RGL3: variants seen among roughly 807,000 people sequenced by gnomAD.
RGL3 encodes ral guanine nucleotide dissociation stimulator like 3, also known as ral guanine nucleotide dissociation stimulator-like 3.
In RGL3, 85 loss-of-function variants were observed where a neutral mutation model predicts 90.6. The ratio of observed to expected loss-of-function variants is 0.94; its 90% CI spans 0.79 to 1.12. The LOEUF (loss-of-function observed/expected upper bound fraction) is 1.12. Ranked by LOEUF, RGL3 falls within the 50% of genes most tolerant of loss-of-function variation. RGL3 has a pLI of 0.00. For synonymous variants in RGL3, 408 were observed against 385.5 expected, an observed-to-expected ratio of 1.06 and a Z score of -0.68; for missense variants, 1,034 against 939.2, an observed-to-expected ratio of 1.10 and a Z score of -1.32.
At chr19:11,418,835 C>T in intron 1 of RGL3, 51 bp from the exon 2 acceptor site, 1 of 1,436,048 alleles carries the variant, frequency 7.0e-7, no homozygotes, top group Non-Finnish European at 9.3e-7. Flanking sequence ...GTCCTGGGGC[C>T]TCAGCCTCCT....
intron 18 of RGL3, 56 bp downstream of exon 18, chr19:11,397,188 A>C: frequency 9.6e-6 from 14 of 1,461,510 alleles, no homozygotes; most frequent in Non-Finnish European, 1.3e-5. Context: ...GGGCGTGGTC[A>C]GTCTGCTCGC....
At chr19:11,413,723 TA>T (rs1431291477) in intron 5 of RGL3, among the ~76,000 whole-genome samples, 1 of 148,532 alleles carries the variant, frequency 6.7e-6, no homozygotes, top group Non-Finnish European at 1.5e-5. Context: ...ATTAATTAAT[TA>T]ATTATTATTA....
chr19:11,411,048 A>C (rs1374139341), intron 5 of RGL3, among the ~76,000 whole-genome samples: 1 of 151,870 alleles, frequency 6.6e-6, no homozygotes, highest in Admixed American at 6.6e-5. Context: ...CTCACTACTA[A>C]AAATACAAAA....
rs577534752 is a variant in RGL3, at chr19:11,407,844, G to A, written c.638-980C>T. Among the ~76,000 whole-genome samples the A allele has an allele frequency of 2.2e-4, 34 of 152,104 alleles. No individual in the cohort carries two copies. The South Asian group carries it at 5.2e-3, about 23-fold the overall frequency. On this transcript the variant is annotated intron_variant, in intron 5 of 18. Coordinates refer to ENST00000380456, the MANE Select transcript of RGL3 (RefSeq NM_001035223.4). ...TGGGATTACAGGCACGAGCCACCACGCCCAGCTAACTTTTGTATTTTTGTA... is the reference window on the plus strand; with the variant it reads ...TGGGATTACAGGCACGAGCCACCACACCCAGCTAACTTTTGTATTTTTGTA...
rs760110142 is a variant in RGL3 at position 11,418,685 on chromosome 19, G to T, written c.133C>A (p.Pro45Thr). Reference protein sequence around the residue: ...RSQRRSPAEGPGGSQAPSPIA... With the variant: ...RSQRRSPAEGTGGSQAPSPIA... ...CCCCTCCTCACCTGGCTGCCCCCGG[G>T]GCCCTCCGCCGGGCTCCTGCGCTGA... The change falls in exon 2 of 19, where the codon CCC becomes ACC. Residue 45 changes from proline (P) to threonine (T), a missense_variant. Transcript: ENST00000380456. The T allele has an allele frequency of 1.3e-6, 2 of 1,557,540 alleles. No individual in the cohort carries two copies. The highest frequency in any genetic ancestry group is 2.7e-5 in the African/African-American group (2 of 73,982).
chr19:11,411,447 G>A (rs1011017377), intron 5 of RGL3: 5 of 151,392 alleles, frequency 3.3e-5, no homozygotes, highest in Non-Finnish European at 7.4e-5. Flanking sequence ...AGAAACAACT[G>A]TCAAAAGAAA....
In RGL3 at chr19:11,402,245, C is replaced by A; in HGVS notation, c.1332G>T (p.Gly444=). 1 of 1,613,458 alleles carries A rather than the reference C, an allele frequency of 6.2e-7. No individual in the cohort carries two copies. The highest frequency in any genetic ancestry group is 8.5e-7 in the Non-Finnish European group (1 of 1,179,978). The change falls in exon 12 of 19, where the codon GGG becomes GGT. Residue 444 remains glycine (G), a splice_region_variant and synonymous_variant. Coordinates refer to ENST00000380456, the MANE Select transcript of RGL3 (RefSeq NM_001035223.4). ...TCCTCTTCTCAAAGTTAATGAGATC[C>A]CCCTGGGGGCAAAGTGTGTCTGAAT... is the stretch of plus-strand genomic sequence containing the variant. The part of the protein sequence containing the change: ...LDTALPDMLE[G]DLINFEKRRK...
At chr19:11,397,664 C>T (rs545957795) in intron 16 of RGL3, 67 bp from the exon 17 acceptor site, 25 of 1,421,852 alleles carry the variant, frequency 1.8e-5, no homozygotes, top group East Asian at 2.5e-5. Flanking sequence ...TAGAAAAGCA[C>T]GAACACCCCA....
chr19:11,397,425 C>A lies in RGL3; in HGVS notation c.1899+20G>T, dbSNP rs768988003. 2.5e-6 allele frequency: 4 copies of A among 1,594,756 alleles called. No homozygotes were observed. In the Admixed American group the frequency reaches 5.1e-5, roughly 20 times the overall value. On this transcript the variant is annotated intron_variant, in intron 17 of 18. Coordinates refer to ENST00000380456, the MANE Select transcript of RGL3 (RefSeq NM_001035223.4). ...CAAGGGCAGGGCAGCCTCCAGCAGA[C>A]CCCCAGCCCAGCCCCTCACCAAGAT...
chr19:11,405,341 C>A lies in RGL3; in HGVS notation c.1082G>T (p.Ser361Ile). Reference protein sequence around the residue: ...QSNPIYRLKRSWGAVSREPLS... With the variant: ...QSNPIYRLKRIWGAVSREPLS... ...AGCTCACCGGCTCACTGCCCCCCAG[C>A]TGCGCTTGAGCCGGTAGATGGGGTT... Residue 361 changes from serine to isoleucine, a missense_variant, in exon 8 of 19, where the codon AGC becomes ATC. Coordinates refer to ENST00000380456, the MANE Select transcript of RGL3 (RefSeq NM_001035223.4). 1 of 1,613,242 alleles carries A rather than the reference C, an allele frequency of 6.2e-7. No homozygotes were observed. The highest frequency in any genetic ancestry group is 8.5e-7 in the Non-Finnish European group (1 of 1,179,734).
rs771398199 is a variant in RGL3, at chr19:11,405,494, C to CTTTTTTTTTTTTTTT, written c.997-83_997-69dup. On this transcript the variant is annotated intron_variant, in intron 7 of 18. Transcript: ENST00000380456. ...ACCTTTCATCCTGAAACTTCTTCATCTTTTTTTTTTTTTTTTTTTTTTTTT... is the reference window on the plus strand; with the variant it reads ...ACCTTTCATCCTGAAACTTCTTCATCTTTTTTTTTTTTTTTTTTTTTTTTTTTTTTTTTTTTTTTT... 14 of 164,048 alleles carry CTTTTTTTTTTTTTTT rather than the reference C, an allele frequency of 8.5e-5. 3 individuals are homozygous for CTTTTTTTTTTTTTTT. Among genetic ancestry groups the CTTTTTTTTTTTTTTT allele is most frequent in the Non-Finnish European group, 1.3e-4 (11 of 82,316 alleles). 10.2% of individuals were successfully genotyped at this position (164,048 alleles called of 1,614,324 possible).
chr19:11,416,679 C>T lies in RGL3; in HGVS notation c.372-12G>A, dbSNP rs1235459179. 1.9e-6 allele frequency: 3 copies of T among 1,613,174 alleles called. No individual in the cohort carries two copies. The highest frequency in any genetic ancestry group is 1.1e-5 in the South Asian group (1 of 91,058). ...TCTTGATCTCTACCCTGGGAAGAGGCCCCCCAGCAGGTGAAGAAGGGGGAA... is the reference window on the plus strand; with the variant it reads ...TCTTGATCTCTACCCTGGGAAGAGGTCCCCCAGCAGGTGAAGAAGGGGGAA... On this transcript the variant is annotated splice_polypyrimidine_tract_variant and intron_variant, in intron 3 of 18. Transcript: ENST00000380456.
intron 5 of RGL3, chr19:11,411,255 T>C (rs577516944): frequency 1.3e-5 from 2 of 151,134 alleles, no homozygotes; most frequent in Non-Finnish European, 2.9e-5. Context: ...CCAAATACCT[T>C]GAGTAGATCT....
At chr19:11,403,996 C>T (rs1968725851) in intron 9 of RGL3, among the ~76,000 whole-genome samples, 1 of 152,184 alleles carries the variant, frequency 6.6e-6, no homozygotes, top group Non-Finnish European at 1.5e-5. Flanking sequence ...ATCCTCCCTC[C>T]TCAGCCTCCT....
chr19:11,397,665 G>T (rs564637933), intron 16 of RGL3, 68 bp from the exon 17 acceptor site: 5 of 1,410,886 alleles, frequency 3.5e-6, no homozygotes, highest in African/African-American at 1.4e-5. Context: ...AGAAAAGCAC[G>T]AACACCCCAG....
In RGL3 at chr19:11,397,806, C is replaced by A. The variant is rs547946985; in HGVS notation, c.1747-209G>T. On this transcript the variant is annotated intron_variant, in intron 16 of 18. Transcript: ENST00000380456. ...GGCGGATCACTTGAGGTCGGGAGTT[C>A]AAGACCAGCCTGGCCAACGTGGTGA... The A allele has an allele frequency of 9.9e-6, 4 of 403,082 alleles. No individual in the cohort carries two copies. The South Asian group carries it at 2.4e-4, about 24-fold the overall frequency. 25.0% of individuals were successfully genotyped at this position (403,082 alleles called of 1,614,324 possible).
rs1435734476 is a variant in RGL3 at position 11,414,233 on chromosome 19, A to ATATATACCTT, written c.637+1703_637+1704insAAGGTATATA. On this transcript the variant is annotated intron_variant, in intron 5 of 18. Coordinates refer to ENST00000380456, the MANE Select transcript of RGL3 (RefSeq NM_001035223.4). The stretch of plus-strand genomic sequence containing the variant: ...TATACCTTTATATATATATACCTTT[A>ATATATACCTT]TATATATATATACCTTTATATATAT... 1.6e-4 allele frequency among the ~76,000 whole-genome samples: 12 copies of ATATATACCTT among 75,906 alleles called. 1 individual carries two copies. Among genetic ancestry groups the ATATATACCTT allele is most frequent in the South Asian group, 9.5e-4 (2 of 2,116 alleles). 49.8% of individuals were successfully genotyped at this position (75,906 alleles called of 152,430 possible). A position where few individuals can be genotyped will look rare whatever the true frequency, so the allele number is the denominator to read the frequency against.
At chr19:11,414,375 A>ATATACCTT (rs2144738802) in intron 5 of RGL3, among the ~76,000 whole-genome samples, 2 of 121,534 alleles carry the variant, frequency 1.6e-5, no homozygotes, top group African/African-American at 6.8e-5. Context: ...ATACCTTTAT[A>ATATACCTT]TATATATATA....
chr19:11,403,397 G>C (rs984444058), intron 9 of RGL3, among the ~76,000 whole-genome samples: 2 of 149,172 alleles, frequency 1.3e-5, no homozygotes, highest in Non-Finnish European at 3.0e-5. Context: ...CCAGCACTTT[G>C]GGAGGCCGAG....
Sources: gnomAD v4.1 joint callset for allele counts (sites outside exome capture counted in the v4.1 genomes callset) on GRCh38, gnomAD v4.1.1 for gene constraint, MANE v1.5 for transcripts, NCBI Gene and HGNC (gene_info 2026-07-23, HGNC 2026-07-21) for gene names.